PHF21B: variants seen among roughly 807,000 people sequenced by gnomAD.
The protein encoded by PHF21B is PHD finger protein 21B.
In PHF21B, 22 loss-of-function variants were observed where a neutral mutation model predicts 62.2. The observed-to-expected ratio is 0.35, with a 90% confidence interval of 0.25 to 0.51. PHF21B has a LOEUF of 0.51. Among genes scored for constraint, PHF21B ranks in the 20% least tolerant of loss-of-function variants. PHF21B has a pLI of 0.97. For synonymous variants in PHF21B, 341 were observed against 314.7 expected, an observed-to-expected ratio of 1.08 and a Z score of -0.88; for missense variants, 701 against 707.9, an observed-to-expected ratio of 0.99 and a Z score of 0.11.
chr22:44,910,408 A>C (rs2071324361), intron 5 of PHF21B, among the ~76,000 whole-genome samples: 1 of 152,148 alleles, frequency 6.6e-6, no homozygotes, highest in Non-Finnish European at 1.5e-5. Context: ...GGCAACATGG[A>C]GAGACCCTGT....
At position 44,883,029 on chromosome 22, in the gene PHF21B, G is replaced by T; in HGVS notation, c.*57C>A. ...GAATTAAGGCCGACAGAACCCCCAG[G>T]CTGTGTAAGCAGGGTCCCAATAACT... is the stretch of plus-strand genomic sequence containing the variant. On this transcript the variant is annotated 3_prime_UTR_variant, in exon 13 of 13. Coordinates refer to ENST00000313237, the MANE Select transcript of PHF21B (RefSeq NM_138415.5). The T allele has an allele frequency of 6.6e-7, 1 of 1,513,280 alleles. No individual in the cohort carries two copies. The highest frequency in any genetic ancestry group is 8.9e-7 in the Non-Finnish European group (1 of 1,122,930). The allele number at this position is 1,513,280 out of a possible 1,614,324, so 93.7% of individuals were successfully genotyped here.
intron 2 of PHF21B, among the ~76,000 whole-genome samples, chr22:44,985,543 A>G (rs1019512721): frequency 6.6e-6 from 1 of 151,876 alleles, no homozygotes; most frequent in Non-Finnish European, 1.5e-5. Flanking sequence ...AGTTGCATTG[A>G]GCCATGATTG....
At chr22:44,913,792 G>T in intron 5 of PHF21B, 30 bp downstream of exon 5, 3 of 1,599,996 alleles carry the variant, frequency 1.9e-6, no homozygotes, top group Non-Finnish European at 2.6e-6. Flanking sequence ...ACTGAGCAGG[G>T]CCTGGGCCCT....
At chr22:44,893,355 G>T (rs1386312996) in intron 7 of PHF21B, 102 bp downstream of exon 7, 12 of 1,115,516 alleles carry the variant, frequency 1.1e-5, no homozygotes, top group Admixed American at 8.3e-5. Context: ...GACGAGGGGG[G>T]TGCTTAGGAA....
At chr22:44,884,826 TCAC>T (rs1234969033) in intron 12 of PHF21B, among the ~76,000 whole-genome samples, 6 of 150,832 alleles carry the variant, frequency 4.0e-5, no homozygotes, top group East Asian at 3.9e-4. Context: ...ATCACCATCA[TCAC>T]CACCACCACC....
At chr22:44,920,294 G>A (rs1399981389) in intron 3 of PHF21B, 104 bp downstream of exon 3, 5 of 809,424 alleles carry the variant, frequency 6.2e-6, no homozygotes, top group African/African-American at 1.8e-5. Flanking sequence ...CACGAGTTCC[G>A]CCTGGCCCAG....
chr22:44,935,198 C>T (rs933557159), intron 2 of PHF21B, among the ~76,000 whole-genome samples: 2 of 152,174 alleles, frequency 1.3e-5, no homozygotes, highest in African/African-American at 4.8e-5. Flanking sequence ...AGAGCAAACC[C>T]CAGTCCTGCC....
intron 2 of PHF21B, among the ~76,000 whole-genome samples, chr22:44,934,060 C>T (rs2071796779): frequency 6.6e-6 from 1 of 152,206 alleles, no homozygotes; most frequent in Non-Finnish European, 1.5e-5. Flanking sequence ...CAGAGGGGCC[C>T]TTCTTGACCT....
At chr22:44,972,131 C>T (rs1320848775) in intron 2 of PHF21B, among the ~76,000 whole-genome samples, 1 of 152,230 alleles carries the variant, frequency 6.6e-6, no homozygotes, top group Non-Finnish European at 1.5e-5. Flanking sequence ...GGAGCCCTCA[C>T]AGTAGAAAAC....
At chr22:44,965,733 A>G (rs555152973) in intron 2 of PHF21B, among the ~76,000 whole-genome samples, 1 of 152,244 alleles carries the variant, frequency 6.6e-6, no homozygotes, top group Admixed American at 6.5e-5. Context: ...CACACTGCCC[A>G]CTGGCTGGGA....
chr22:44,985,804 A>ACACCAT (rs375151249), intron 2 of PHF21B, among the ~76,000 whole-genome samples: 1 of 151,980 alleles, frequency 6.6e-6, no homozygotes, highest in East Asian at 1.9e-4. Flanking sequence ...GTAGCTATCA[A>ACACCAT]CACCATCACC....
At chr22:44,971,980 T>C (rs769713700) in intron 2 of PHF21B, among the ~76,000 whole-genome samples, 44 of 152,154 alleles carry the variant, frequency 2.9e-4, no homozygotes, top group East Asian at 1.5e-3. Flanking sequence ...TGGGTTGCAG[T>C]TGGGGGGAGA....
chr22:44,882,885 G>T lies in PHF21B; in HGVS notation c.*201C>A. 1.7e-6 allele frequency: 1 copy of T among 603,102 alleles called. No homozygotes were observed. The highest frequency in any genetic ancestry group is 2.7e-6 in the Non-Finnish European group (1 of 363,730). The allele number at this position is 603,102 out of a possible 1,614,324, so 37.4% of individuals were successfully genotyped here. A position where few individuals can be genotyped will look rare whatever the true frequency, so the allele number is the denominator to read the frequency against. ...CACCTGGCTCCTAGGTACCCCCTGT[G>T]AATTTGGAGGGCACAGGGCCGCACC... On this transcript the variant is annotated 3_prime_UTR_variant, in exon 13 of 13. Coordinates refer to ENST00000313237, the MANE Select transcript of PHF21B (RefSeq NM_138415.5).
intron 2 of PHF21B, among the ~76,000 whole-genome samples, chr22:44,973,584 G>C (rs773852623): frequency 6.6e-6 from 1 of 152,112 alleles, no homozygotes; most frequent in South Asian, 2.1e-4. Flanking sequence ...AGCGTGGGGT[G>C]GGGGGCACAC....
intron 10 of PHF21B, among the ~76,000 whole-genome samples, chr22:44,886,737 G>A (rs1404625690): frequency 6.6e-6 from 1 of 151,924 alleles, no homozygotes; most frequent in African/African-American, 2.4e-5. Flanking sequence ...ACAATGCAGG[G>A]GCAGGTAGCC....
At chr22:44,907,952 G>C (rs1444977147) in intron 5 of PHF21B, among the ~76,000 whole-genome samples, 4 of 152,198 alleles carry the variant, frequency 2.6e-5, no homozygotes, top group Non-Finnish European at 5.9e-5. Context: ...CGCTGGGGGG[G>C]TGAGGCCAGC....
At chr22:44,955,840 C>T (rs1369545592) in intron 2 of PHF21B, among the ~76,000 whole-genome samples, 1 of 152,234 alleles carries the variant, frequency 6.6e-6, no homozygotes, top group Non-Finnish European at 1.5e-5. Flanking sequence ...GTTCTGCTCT[C>T]TGGCGAGCCC....
chr22:44,946,097 C>G (rs1313881233), intron 2 of PHF21B, among the ~76,000 whole-genome samples: 2 of 148,008 alleles, frequency 1.4e-5, no homozygotes, highest in Non-Finnish European at 2.9e-5. Context: ...GAGTCAGGCC[C>G]TGCGGGAGGG....
chr22:44,948,931 A>G (rs2072134647), intron 2 of PHF21B, among the ~76,000 whole-genome samples: 1 of 152,250 alleles, frequency 6.6e-6, no homozygotes, highest in South Asian at 2.1e-4. Flanking sequence ...TGGCTTATCC[A>G]CAAATGGGTC....
Sources: gnomAD v4.1 joint callset for allele counts (sites outside exome capture counted in the v4.1 genomes callset) on GRCh38, gnomAD v4.1.1 for gene constraint, MANE v1.5 for transcripts, NCBI Gene and HGNC (gene_info 2026-07-23, HGNC 2026-07-21) for gene names.